The following IL18RAP variants were observed in gnomAD, a reference collection of about 807,000 sequenced individuals.
IL18RAP encodes interleukin 18 receptor accessory protein.
Under a neutral mutation model 58.1 loss-of-function variants are expected in IL18RAP, and 37 were observed. The observed-to-expected ratio is 0.64, with a 90% CI of 0.49 to 0.84. The LOEUF (loss-of-function observed/expected upper bound fraction) is 0.84, where lower values mean the gene tolerates loss of function less well. Among genes scored for constraint, IL18RAP ranks in the 40% least tolerant of loss-of-function variants. IL18RAP has a pLI of 0.00. For missense variants in IL18RAP, 667 were observed against 704.8 expected (o/e 0.95, Z 0.61); for synonymous variants, 268 against 257.5 (o/e 1.04, Z -0.39).
chr2:102,445,429 G>A, intron 7 of IL18RAP, 89 bp downstream of exon 7: 1 of 1,314,132 alleles, frequency 7.6e-7, no homozygotes, highest in Non-Finnish European at 1.1e-6. Flanking sequence ...AATGATGACA[G>A]CGATTACATT....
intron 3 of IL18RAP, among the ~76,000 whole-genome samples, chr2:102,436,141 T>C (rs1234408168): frequency 1.3e-5 from 2 of 152,212 alleles, no homozygotes; most frequent in African/African-American, 4.8e-5. Context: ...TGATACATAC[T>C]AAGCCTCACT....
Position 102,441,309 on chromosome 2 carries a change from C to T in IL18RAP, c.731-3C>T, listed in dbSNP as rs755910133. On this transcript the variant is annotated splice_region_variant and splice_polypyrimidine_tract_variant and intron_variant, in intron 4 of 9. Coordinates refer to ENST00000687160, the MANE Select transcript of IL18RAP (RefSeq NM_001393487.1). ...AATAGTAATCTTTGTTTTCATCTTT[C>T]AGTGGGAGACACTAAACTCAAACCA... 1.2e-6 allele frequency: 2 copies of T among 1,611,574 alleles called. No homozygotes were observed. The highest frequency in any genetic ancestry group is 1.7e-6 in the Non-Finnish European group (2 of 1,177,974).
chr2:102,444,980 T>C (rs1452479019), intron 6 of IL18RAP, among the ~76,000 whole-genome samples: 4 of 152,186 alleles, frequency 2.6e-5, no homozygotes, highest in Admixed American at 2.6e-4. Context: ...CACAAATAAA[T>C]AATGTCTTAG....
At chr2:102,449,516 T>A (rs1460086544) in intron 8 of IL18RAP, among the ~76,000 whole-genome samples, 2 of 152,148 alleles carry the variant, frequency 1.3e-5, no homozygotes, top group Non-Finnish European at 2.9e-5. Flanking sequence ...AAAGACAATG[T>A]TTTTAGTGAT....
intron 3 of IL18RAP, among the ~76,000 whole-genome samples, chr2:102,427,648 T>C (rs1018486542): frequency 2.2e-4 from 33 of 152,058 alleles, no homozygotes; most frequent in African/African-American, 8.0e-4. Context: ...CTTGTAAATA[T>C]TTTCCCCATT....
chr2:102,450,705 T>A, intron 8 of IL18RAP, 143 bp from the exon 9 acceptor site: 1 of 499,342 alleles, frequency 2.0e-6, no homozygotes, highest in South Asian at 5.3e-5. Context: ...GATTTTGAAA[T>A]GAATTTTTAA....
chr2:102,446,570 G>C (rs917823542), intron 7 of IL18RAP, among the ~76,000 whole-genome samples: 1 of 151,966 alleles, frequency 6.6e-6, no homozygotes, highest in African/African-American at 2.4e-5. Context: ...TTTCATTCCT[G>C]AGTTACTTCA....
rs1251239876 is a variant in IL18RAP, at chr2:102,452,151, T to G, written c.1770T>G (p.Thr590=). The change falls in exon 10 of 10, where the codon ACT becomes ACG. Residue 590 remains threonine, a synonymous_variant. Transcript: ENST00000687160. ...AAGGACTCAGTAGAACAGAAACCAC[T>G]GGGAGGAGCTCCCAGCCTAAGGAAT... ...QWKGLSRTET[T]GRSSQPKEW is the part of the protein sequence containing the mutation. 2.5e-6 allele frequency: 4 copies of G among 1,611,172 alleles called. No homozygotes were observed. Among genetic ancestry groups the G allele is most frequent in the Admixed American group, 3.4e-5 (2 of 59,594 alleles).
At chr2:102,428,270 G>A (rs1195314278) in intron 3 of IL18RAP, among the ~76,000 whole-genome samples, 1 of 151,486 alleles carries the variant, frequency 6.6e-6, no homozygotes, top group Non-Finnish European at 1.5e-5. Context: ...TGCATTGAAT[G>A]TGTAGATCAC....
intron 4 of IL18RAP, 128 bp downstream of exon 4, chr2:102,437,490 C>A: frequency 1.2e-6 from 1 of 817,804 alleles, no homozygotes; most frequent in South Asian, 3.2e-5. Context: ...CATGTAAAAC[C>A]TTTCATGTGG....
At chr2:102,447,866 G>C (rs936200969) in intron 8 of IL18RAP, among the ~76,000 whole-genome samples, 2 of 152,054 alleles carry the variant, frequency 1.3e-5, no homozygotes, top group African/African-American at 2.4e-5. Context: ...GAGTAGCTGG[G>C]ATTACAGGCA....
chr2:102,426,925 C>G (rs1681987505), intron 3 of IL18RAP, among the ~76,000 whole-genome samples: 1 of 152,106 alleles, frequency 6.6e-6, no homozygotes, highest in African/African-American at 2.4e-5. Context: ...CCCCACCAAT[C>G]AAGCCTCCAT....
chr2:102,432,688 G>T (rs747957717), intron 3 of IL18RAP, among the ~76,000 whole-genome samples: 27 of 152,174 alleles, frequency 1.8e-4, no homozygotes, highest in Non-Finnish European at 4.0e-4. Context: ...GGGGCCAGCT[G>T]CTCCTTCTGC....
upstream of IL18RAP, among the ~76,000 whole-genome samples, chr2:102,421,851 T>A (rs1461587857): frequency 6.6e-6 from 1 of 152,164 alleles, no homozygotes; most frequent in Non-Finnish European, 1.5e-5. Context: ...TACCTGCCTC[T>A]TGTCCAAGAT....
chr2:102,433,093 T>C (rs764526229), intron 3 of IL18RAP, among the ~76,000 whole-genome samples: 1 of 152,094 alleles, frequency 6.6e-6, no homozygotes, highest in Non-Finnish European at 1.5e-5. Context: ...TGACCTCCTG[T>C]TAGTAGGACT....
At chr2:102,427,079 T>G (rs1681998735) in intron 3 of IL18RAP, among the ~76,000 whole-genome samples, 1 of 152,164 alleles carries the variant, frequency 6.6e-6, no homozygotes. Context: ...CCCACATGAT[T>G]GAATTTCCTT....
rs1407138353 is a variant in IL18RAP at position 102,441,345 on chromosome 2, A to G, written c.764A>G (p.Asp255Gly). 3.7e-6 allele frequency: 6 copies of G among 1,613,398 alleles called. No homozygotes were observed. Among genetic ancestry groups the G allele is most frequent in the Non-Finnish European group, 3.4e-6 (4 of 1,179,580 alleles). ...ACTAAACTCAAACCAGATATTCTGG[A>G]TCCTGTCGAGGACACACTGGAAGTA... ...GDTKLKPDIL[D>G]PVEDTLEVEL... is the part of the protein sequence containing the mutation. Residue 255 changes from aspartate (D) to glycine (G), a missense_variant, in exon 5 of 10, where the codon GAT becomes GGT. Asp to Gly is a moderately conservative substitution (Grantham distance 94). Coordinates refer to ENST00000687160, the MANE Select transcript of IL18RAP (RefSeq NM_001393487.1).
chr2:102,427,458 A>C (rs1056360790), intron 3 of IL18RAP, among the ~76,000 whole-genome samples: 1 of 152,098 alleles, frequency 6.6e-6, no homozygotes. Context: ...TTGTATTTCT[A>C]TGATGATTAG....
At chr2:102,428,807 A>G (rs547602618) in intron 3 of IL18RAP, among the ~76,000 whole-genome samples, 221 of 152,028 alleles carry the variant, frequency 1.5e-3, no homozygotes, top group African/African-American at 4.8e-3. Context: ...AAAAGATTTC[A>G]ACTTTTCACA....
Sources: gnomAD v4.1 joint callset for allele counts (sites outside exome capture counted in the v4.1 genomes callset) on GRCh38, gnomAD v4.1.1 for gene constraint, MANE v1.5 for transcripts, NCBI Gene and HGNC (gene_info 2026-07-23, HGNC 2026-07-21) for gene names.